Variants in LRP1B observed in about 807,000 individuals in gnomAD.
LRP1B encodes LDL receptor related protein 1B.
In LRP1B, 217 loss-of-function variants were observed where a neutral mutation model predicts 556.6. The ratio of observed to expected loss-of-function variants is 0.39; its 90% CI spans 0.35 to 0.44. LRP1B has a LOEUF of 0.44. Among genes scored for constraint, LRP1B ranks in the 20% least tolerant of loss-of-function variants. The pLI, the probability that LRP1B is intolerant of heterozygous loss-of-function variation, is 1.00. For missense variants in LRP1B, 5,053 were observed against 5,620.8 expected (o/e 0.90, Z 3.23); for synonymous variants, 2,047 against 1,865.8 (o/e 1.10, Z -2.50).
At chr2:141,296,832 T>C (rs187898208) in intron 3 of LRP1B, among the ~76,000 whole-genome samples, 3 of 152,266 alleles carry the variant, frequency 2.0e-5, no homozygotes, top group East Asian at 1.9e-4. Context: ...CTGAGCATAG[T>C]AGCAGTTTTG....
chr2:140,607,673 GTA>G (rs144983712), intron 41 of LRP1B, among the ~76,000 whole-genome samples: 1 of 150,844 alleles, frequency 6.6e-6, no homozygotes, highest in Non-Finnish European at 1.5e-5. Context: ...ACGTGTGTGT[GTA>G]TATATATATG....
At chr2:142,054,528 C>G (rs1704588828) in intron 1 of LRP1B, among the ~76,000 whole-genome samples, 1 of 152,070 alleles carries the variant, frequency 6.6e-6, no homozygotes, top group Non-Finnish European at 1.5e-5. Flanking sequence ...CAAGGTCTAT[C>G]TCATTAGTTA....
At chr2:140,401,099 T>C (rs1210450996) in intron 66 of LRP1B, among the ~76,000 whole-genome samples, 2 of 152,114 alleles carry the variant, frequency 1.3e-5, no homozygotes, top group Non-Finnish European at 2.9e-5. Context: ...AATTTGGTAA[T>C]GTAACCTTGG....
intron 69 of LRP1B, 108 bp downstream of exon 69, chr2:140,372,900 G>C (rs1683055270): frequency 8.7e-7 from 1 of 1,147,776 alleles, no homozygotes; most frequent in Non-Finnish European, 1.3e-6. Flanking sequence ...TCTTAAAAAT[G>C]GTAAACATAT....
chr2:140,795,462 G>T (rs960384636), intron 32 of LRP1B, among the ~76,000 whole-genome samples: 7 of 151,988 alleles, frequency 4.6e-5, no homozygotes, highest in African/African-American at 1.7e-4. Context: ...TTCCTGAATG[G>T]CTATAGTTTA....
chr2:141,672,140 T>C (rs748082441), intron 2 of LRP1B, among the ~76,000 whole-genome samples: 1 of 152,136 alleles, frequency 6.6e-6, no homozygotes, highest in African/African-American at 2.4e-5. Context: ...AAAATACTAA[T>C]AGATTAACTC....
chr2:140,344,078 T>G (rs1486497068), intron 77 of LRP1B, among the ~76,000 whole-genome samples: 1 of 151,774 alleles, frequency 6.6e-6, no homozygotes, highest in Non-Finnish European at 1.5e-5. Context: ...TAGAGCTTAT[T>G]TTATGACAAT....
intron 86 of LRP1B, among the ~76,000 whole-genome samples, chr2:140,249,566 A>G (rs1171810681): frequency 1.3e-5 from 2 of 151,792 alleles, no homozygotes; most frequent in Non-Finnish European, 2.9e-5. Flanking sequence ...TACTGGAGAA[A>G]TAATTTTAAC....
At chr2:141,620,959 A>AG (rs35488961) in intron 2 of LRP1B, among the ~76,000 whole-genome samples, 51,944 of 151,586 alleles carry the variant, frequency 0.34, 9,550 homozygotes, top group Non-Finnish European at 0.42. Flanking sequence ...ATAAAAAAAA[A>AG]AGGTATATTT....
intron 25 of LRP1B, among the ~76,000 whole-genome samples, chr2:140,880,060 G>A (rs1023736051): frequency 1.3e-5 from 2 of 151,664 alleles, no homozygotes; most frequent in Non-Finnish European, 2.9e-5. Context: ...ATATTATTTA[G>A]ATGTCTCACT....
chr2:140,561,998 A>G (rs1374309537), intron 43 of LRP1B, among the ~76,000 whole-genome samples: 3 of 152,136 alleles, frequency 2.0e-5, no homozygotes, highest in Non-Finnish European at 1.5e-5. Flanking sequence ...TCCTTGCAAC[A>G]GATAAAGAAA....
chr2:141,456,808 T>C (rs959366371), intron 3 of LRP1B, among the ~76,000 whole-genome samples: 3 of 152,140 alleles, frequency 2.0e-5, no homozygotes, highest in Admixed American at 6.5e-5. Context: ...TGAAGAGCCA[T>C]TGAATGATTG....
At chr2:140,494,175 C>T (rs538425947) in intron 56 of LRP1B, among the ~76,000 whole-genome samples, 3 of 152,056 alleles carry the variant, frequency 2.0e-5, no homozygotes, top group Non-Finnish European at 4.4e-5. Flanking sequence ...AGTATAATTG[C>T]TAATAATAAA....
intron 2 of LRP1B, among the ~76,000 whole-genome samples, chr2:141,545,299 G>T (rs897212911): frequency 6.6e-6 from 1 of 152,144 alleles, no homozygotes; most frequent in African/African-American, 2.4e-5. Flanking sequence ...TAGTTTCTAA[G>T]CACTTCCACA....
chr2:140,233,352 A>G (rs1368655937), intron 90 of LRP1B, 26 bp from the exon 91 acceptor site: 1 of 1,520,252 alleles, frequency 6.6e-7, no homozygotes, highest in South Asian at 1.2e-5. Flanking sequence ...AATAAATATA[A>G]TTTTATTACT....
At chr2:140,877,827 G>T (rs1040713507) in intron 25 of LRP1B, among the ~76,000 whole-genome samples, 2 of 152,028 alleles carry the variant, frequency 1.3e-5, no homozygotes, top group Non-Finnish European at 2.9e-5. Flanking sequence ...ACTGTCCTCC[G>T]ACCACCTTTG....
chr2:140,996,745 T>C (rs1044663234), intron 15 of LRP1B, among the ~76,000 whole-genome samples: 1 of 151,716 alleles, frequency 6.6e-6, no homozygotes, highest in African/African-American at 2.4e-5. Flanking sequence ...CCCAAGGACA[T>C]GGATAAAGTT....
At chr2:140,418,858 T>C (rs1226490367) in intron 66 of LRP1B, among the ~76,000 whole-genome samples, 3 of 151,964 alleles carry the variant, frequency 2.0e-5, no homozygotes, top group Non-Finnish European at 2.9e-5. Flanking sequence ...TCCATGAAAA[T>C]TGTCTTCCAT....
chr2:140,790,607 C>T (rs995505674), intron 32 of LRP1B, among the ~76,000 whole-genome samples: 1 of 152,160 alleles, frequency 6.6e-6, no homozygotes, highest in African/African-American at 2.4e-5. Flanking sequence ...TAAATGGGGA[C>T]ATTTCTGAGT....
Sources: allele counts gnomAD v4.1 joint callset (sites outside exome capture counted in the v4.1 genomes callset), GRCh38; gene constraint gnomAD v4.1.1; transcripts MANE v1.5; gene names NCBI Gene and HGNC (gene_info 2026-07-23, HGNC 2026-07-21).